PDIA5: variants seen among roughly 807,000 people sequenced by gnomAD.
PDIA5 encodes protein disulfide-isomerase A5.
In PDIA5, 58 loss-of-function variants were observed where a neutral mutation model predicts 77.6. That is an observed-to-expected ratio of 0.75 (90% CI 0.61 to 0.93). The LOEUF (loss-of-function observed/expected upper bound fraction) is 0.93, where lower values mean the gene tolerates loss of function less well. PDIA5 is among the 40% of genes least tolerant of loss of function. The probability of loss-of-function intolerance (pLI) is 0.00; values close to 1 mark genes in which losing one functional copy is unlikely to be tolerated. For synonymous variants in PDIA5, 250 were observed against 252.1 expected, an observed-to-expected ratio of 0.99 and a Z score of 0.08; for missense variants, 630 against 647.7, an observed-to-expected ratio of 0.97 and a Z score of 0.30.
intron 13 of PDIA5, among the ~76,000 whole-genome samples, chr3:123,148,292 G>T (rs1243552115): frequency 6.6e-6 from 1 of 152,160 alleles, no homozygotes; most frequent in Non-Finnish European, 1.5e-5. Flanking sequence ...AACTGGCCGG[G>T]CACGGTGGCT....
intron 6 of PDIA5, among the ~76,000 whole-genome samples, chr3:123,110,718 G>T (rs1048403285): frequency 6.6e-6 from 1 of 152,130 alleles, no homozygotes; most frequent in Non-Finnish European, 1.5e-5. Context: ...AATACGTGAG[G>T]GTGGTCTCGA....
intron 6 of PDIA5, among the ~76,000 whole-genome samples, chr3:123,110,088 T>A (rs1293479087): frequency 6.6e-6 from 1 of 152,248 alleles, no homozygotes; most frequent in Non-Finnish European, 1.5e-5. Flanking sequence ...TATGCTCTTA[T>A]CATCGTGCTT....
At chr3:123,106,649 C>A in intron 5 of PDIA5, 100 bp from the exon 6 acceptor site, 1 of 808,204 alleles carries the variant, frequency 1.2e-6, no homozygotes, top group Non-Finnish European at 2.1e-6. Flanking sequence ...AGCTGGTGTG[C>A]CCAGGTCTCC....
At chr3:123,151,058 A>G (rs1935882099) in intron 14 of PDIA5, among the ~76,000 whole-genome samples, 1 of 152,242 alleles carries the variant, frequency 6.6e-6, no homozygotes, top group Admixed American at 6.5e-5. Flanking sequence ...GAAGCCAGGC[A>G]GCTCCATCTA....
chr3:123,098,580 G>A (rs1000147126), intron 3 of PDIA5, among the ~76,000 whole-genome samples: 2 of 152,180 alleles, frequency 1.3e-5, no homozygotes, highest in African/African-American at 4.8e-5. Context: ...GGTGTGGGGT[G>A]GGGAGGGAAG....
At chr3:123,151,564 G>A (rs374975614) in intron 14 of PDIA5, among the ~76,000 whole-genome samples, 220 of 152,356 alleles carry the variant, frequency 1.4e-3, no homozygotes, top group African/African-American at 4.2e-3. Context: ...AGAGCCCAGT[G>A]CTTCCTCTGC....
intron 14 of PDIA5, among the ~76,000 whole-genome samples, chr3:123,151,987 GCCTTCCTGCCTTCCTTCCTTCCTT>G (rs1935919499): frequency 3.8e-5 from 4 of 104,074 alleles, no homozygotes; most frequent in Admixed American, 9.8e-5. Context: ...CTTCCTTCCT[GCCTTCCTGCCTTCCTTCCTTCCTT>G]CCTTCCTGCC....
At position 123,124,246 on chromosome 3, in the gene PDIA5, C is replaced by T; in HGVS notation, c.702-26C>T. The stretch of plus-strand genomic sequence containing the variant: ...GTGGCATTTGCATCCGTGACTGAGC[C>T]CACGTTGTTTCTCCACGTTTCACAG... On this transcript the variant is annotated intron_variant, in intron 9 of 16. Transcript: ENST00000316218. 5 of 1,594,456 alleles carry T rather than the reference C, an allele frequency of 3.1e-6. No homozygotes were observed. In the South Asian group the frequency reaches 3.3e-5, roughly 11 times the overall value.
intron 10 of PDIA5, 72 bp downstream of exon 10, chr3:123,124,415 AG>A: frequency 9.3e-7 from 1 of 1,076,456 alleles, no homozygotes; most frequent in Non-Finnish European, 1.5e-6. Flanking sequence ...TGAGGGTCGC[AG>A]GGCTCTGGCT....
intron 10 of PDIA5, among the ~76,000 whole-genome samples, chr3:123,127,634 T>C (rs1935272286): frequency 2.0e-5 from 3 of 152,226 alleles, no homozygotes; most frequent in Non-Finnish European, 4.4e-5. Context: ...AGACAGAACA[T>C]TCTTATTTAC....
intron 11 of PDIA5, among the ~76,000 whole-genome samples, chr3:123,141,237 GC>G (rs1447299986): frequency 6.6e-6 from 1 of 152,134 alleles, no homozygotes; most frequent in Non-Finnish European, 1.5e-5. Context: ...TTGACCATGG[GC>G]CCTGCCAGCA....
chr3:123,117,388 ATAT>A lies in PDIA5; in HGVS notation c.609+1091_609+1093del, dbSNP rs1481140126. ...TTTCTATGATTTTATATATATATAT[ATAT>A]ATATATATTCTGTTTTAGAGACAGG... On this transcript the variant is annotated intron_variant, in intron 8 of 16. Coordinates refer to ENST00000316218, the MANE Select transcript of PDIA5 (RefSeq NM_006810.4). 7.4e-5 allele frequency among the ~76,000 whole-genome samples: 10 copies of A among 135,128 alleles called. 1 individual carries two copies. Among genetic ancestry groups the A allele is most frequent in the African/African-American group, 2.8e-4 (10 of 35,916 alleles). 88.6% of individuals were successfully genotyped at this position (135,128 alleles called of 152,430 possible).
At chr3:123,147,592 G>C (rs963490744) in intron 13 of PDIA5, among the ~76,000 whole-genome samples, 10 of 152,168 alleles carry the variant, frequency 6.6e-5, no homozygotes, top group Admixed American at 6.5e-5. Context: ...ATTCAGGGGA[G>C]GCCTCTGGCA....
chr3:123,116,976 G>A (rs1428692947), intron 8 of PDIA5, among the ~76,000 whole-genome samples: 1 of 151,786 alleles, frequency 6.6e-6, no homozygotes, highest in Non-Finnish European at 1.5e-5. Flanking sequence ...AGGAGCAGCT[G>A]GGATGGGGCG....
Position 123,130,588 on chromosome 3 carries a change from C to T in PDIA5, c.882C>T (p.Ser294=), listed in dbSNP as rs1935349637. ...EDFDQFVKEH[S]SVLVMFHAPW... ...TTGACCAGTTTGTGAAGGAACACTCCTCTGTCCTCGTCATGTTCCACGCCC... is the reference window on the plus strand; with the variant it reads ...TTGACCAGTTTGTGAAGGAACACTCTTCTGTCCTCGTCATGTTCCACGCCC... The change falls in exon 11 of 17, where the codon TCC becomes TCT. Residue 294 remains serine, a synonymous_variant. Transcript: ENST00000316218. The T allele has an allele frequency of 6.2e-7, 1 of 1,614,202 alleles. No homozygotes were observed. Among genetic ancestry groups the T allele is most frequent in the Non-Finnish European group, 8.5e-7 (1 of 1,180,010 alleles).
intron 10 of PDIA5, among the ~76,000 whole-genome samples, chr3:123,124,918 C>T (rs1015461981): frequency 6.6e-6 from 1 of 152,084 alleles, no homozygotes; most frequent in Admixed American, 6.5e-5. Context: ...ACTGTTCAAC[C>T]CCCACAGGCA....
At chr3:123,160,081 G>A (rs765589266) in intron 15 of PDIA5, among the ~76,000 whole-genome samples, 12 of 152,174 alleles carry the variant, frequency 7.9e-5, no homozygotes, top group Non-Finnish European at 1.6e-4. Context: ...TACAGCAGAC[G>A]CTTGATAACT....
chr3:123,075,754 G>A (rs1420603321), intron 1 of PDIA5, among the ~76,000 whole-genome samples: 1 of 152,150 alleles, frequency 6.6e-6, no homozygotes, highest in African/African-American at 2.4e-5. Context: ...TGTGTAAAAT[G>A]GATTCCTGGG....
At position 123,116,212 on chromosome 3, in the gene PDIA5, C is replaced by G. The variant is rs1934994827; in HGVS notation, c.542-19C>G. 6.2e-7 allele frequency: 1 copy of G among 1,612,046 alleles called. No homozygotes were observed. Among genetic ancestry groups the G allele is most frequent in the African/African-American group, 1.3e-5 (1 of 75,004 alleles). On this transcript the variant is annotated intron_variant, in intron 7 of 16. Transcript: ENST00000316218. ...CCATCCCTGTAACCGGATGTGGTCTCTCTCCTGCCTGTGACCAGGGTGCAG... is the reference window on the plus strand; with the variant it reads ...CCATCCCTGTAACCGGATGTGGTCTGTCTCCTGCCTGTGACCAGGGTGCAG...
Sources: gnomAD v4.1 joint callset for allele counts (sites outside exome capture counted in the v4.1 genomes callset) on GRCh38, gnomAD v4.1.1 for gene constraint, MANE v1.5 for transcripts, NCBI Gene and HGNC (gene_info 2026-07-23, HGNC 2026-07-21) for gene names.